SYNE2: variants seen among roughly 807,000 people sequenced by gnomAD.
The protein encoded by SYNE2 is nesprin-2.
A neutral mutation model predicts 856.3 loss-of-function variants in SYNE2; 431 were observed. The observed-to-expected ratio is 0.50, with a 90% CI of 0.47 to 0.55. SYNE2 has a LOEUF of 0.55. Ranked by LOEUF, SYNE2 falls within the 20% of genes least tolerant of loss-of-function variation. The pLI, the probability that SYNE2 is intolerant of heterozygous loss-of-function variation, is 0.00. For synonymous variants in SYNE2, 2,923 were observed against 2,872.3 expected (o/e 1.02, Z -0.56); for missense variants, 8,129 against 8,023.2 (o/e 1.01, Z -0.50).
Position 64,024,739 on chromosome 14 carries a change from C to A in SYNE2, c.5841-173C>A, listed in dbSNP as rs74056279. Among the ~76,000 whole-genome samples the A allele has an allele frequency of 0.052, 7,867 of 152,184 alleles. 250 individuals carry two copies. Among genetic ancestry groups the A allele is most frequent in the Admixed American group, 0.092 (1,409 of 15,286 alleles). ...GGTTTTCTTTAATACTATAGAACCC[C>A]GCTATCATACAGGCTGTTAATTAGA... On this transcript the variant is annotated intron_variant, in intron 39 of 115. Transcript: ENST00000555002.
intron 1 of SYNE2, among the ~76,000 whole-genome samples, chr14:63,847,246 G>A (rs1595169440): frequency 6.6e-6 from 1 of 151,652 alleles, no homozygotes; most frequent in East Asian, 2.0e-4. Context: ...GCACTTCAAG[G>A]CCAACCTGGG....
intron 1 of SYNE2, among the ~76,000 whole-genome samples, chr14:63,774,530 T>G (rs1040096097): frequency 6.7e-6 from 1 of 150,338 alleles, no homozygotes; most frequent in Non-Finnish European, 1.5e-5. Flanking sequence ...AAGAGAGAAG[T>G]TTTTTTCTTT....
At chr14:64,133,957 C>CT in intron 77 of SYNE2, 112 bp from the exon 78 acceptor site, 1 of 1,316,756 alleles carries the variant, frequency 7.6e-7, no homozygotes, top group South Asian at 1.2e-5. Flanking sequence ...GGAATCTGTG[C>CT]TTTAATTTTG....
intron 64 of SYNE2, among the ~76,000 whole-genome samples, chr14:64,106,132 A>AC (rs72135678): frequency 0.017 from 2,113 of 120,760 alleles, 17 homozygotes; most frequent in South Asian, 0.041. Context: ...GCATTTCCAG[A>AC]CCCCCCCCCC....
Position 64,078,524 on chromosome 14 carries a change from A to G in SYNE2, c.11081A>G (p.Glu3694Gly). 1.2e-6 allele frequency: 2 copies of G among 1,614,182 alleles called. No individual in the cohort carries two copies. The highest frequency in any genetic ancestry group is 1.7e-6 in the Non-Finnish European group (2 of 1,180,006). The change falls in exon 55 of 116, where the codon GAA becomes GGA. Residue 3694 changes from glutamate (E) to glycine (G), a missense_variant. Physicochemically the swap from Glu to Gly is moderately conservative, Grantham distance 98 (BLOSUM62 -2). Transcript: ENST00000555002. ...PSYAMRRKIE[E>G]INNGLHNVEK... Reference sequence around the variant, plus strand: ...TATGCAATGAGGAGAAAAATAGAAGAAATTAACAATGGGCTTCATAATGTT... The same window carrying G: ...TATGCAATGAGGAGAAAAATAGAAGGAATTAACAATGGGCTTCATAATGTT...
chr14:64,184,457 C>G lies in SYNE2; in HGVS notation c.17557-1967C>G, dbSNP rs545957319. Among the ~76,000 whole-genome samples, 4 of 152,138 alleles carry G rather than the reference C, an allele frequency of 2.6e-5. No homozygotes were observed. In the South Asian group the frequency reaches 8.3e-4, roughly 32 times the overall value. On this transcript the variant is annotated intron_variant, in intron 96 of 115. Coordinates refer to ENST00000555002, the MANE Select transcript of SYNE2 (RefSeq NM_182914.3). ...ACCTTATCCAGTGACTGTACACTTT[C>G]CGATTGTCAATATTGTAAGTATTCA...
At chr14:63,942,600 A>G (rs1365896747) in intron 6 of SYNE2, among the ~76,000 whole-genome samples, 1 of 151,888 alleles carries the variant, frequency 6.6e-6, no homozygotes, top group African/African-American at 2.4e-5. Flanking sequence ...GGTTCGAGTG[A>G]TTCTTCTGCC....
intron 90 of SYNE2, 120 bp from the exon 91 acceptor site, chr14:64,167,113 G>A (rs922492299): frequency 7.9e-7 from 1 of 1,258,632 alleles, no homozygotes; most frequent in Non-Finnish European, 1.1e-6. Flanking sequence ...TTTGACTGTG[G>A]GCAAGTCATT....
intron 1 of SYNE2, among the ~76,000 whole-genome samples, chr14:63,857,543 T>C (rs749485331): frequency 2.0e-5 from 3 of 152,206 alleles, no homozygotes; most frequent in Non-Finnish European, 2.9e-5. Flanking sequence ...TTCAAAGAAC[T>C]ACTATACTTT....
At chr14:64,152,343 A>T (rs544336344) in intron 84 of SYNE2, among the ~76,000 whole-genome samples, 1 of 152,242 alleles carries the variant, frequency 6.6e-6, no homozygotes, top group African/African-American at 2.4e-5. Context: ...CTGCTCTGCC[A>T]TGATGGTTCA....
At chr14:64,170,531 T>G in intron 94 of SYNE2, 69 bp downstream of exon 94, 1 of 1,464,080 alleles carries the variant, frequency 6.8e-7, no homozygotes, top group Non-Finnish European at 9.4e-7. Flanking sequence ...TCATTCACCT[T>G]TGGTTTAATG....
intron 113 of SYNE2, among the ~76,000 whole-genome samples, chr14:64,224,049 C>G (rs1447011471): frequency 6.6e-6 from 1 of 151,938 alleles, no homozygotes; most frequent in African/African-American, 2.4e-5. Flanking sequence ...AGAGCCCCTT[C>G]AGGAAAGATT....
rs774804800 is a variant in SYNE2 at position 63,940,610 on chromosome 14, A to G, written c.80-4A>G. The G allele has an allele frequency of 6.2e-7, 1 of 1,614,064 alleles. No individual in the cohort carries two copies. Among genetic ancestry groups the G allele is most frequent in the Non-Finnish European group, 8.5e-7 (1 of 1,179,960 alleles). On this transcript the variant is annotated splice_region_variant and splice_polypyrimidine_tract_variant and intron_variant, in intron 2 of 115. Coordinates refer to ENST00000555002, the MANE Select transcript of SYNE2 (RefSeq NM_182914.3). Reference sequence around the variant, plus strand: ...TATAACTGCTGTTGTTCTTTCTTTGATAGCTGAACAGGAAGACACCCAGAA... The same window carrying G: ...TATAACTGCTGTTGTTCTTTCTTTGGTAGCTGAACAGGAAGACACCCAGAA...
At chr14:63,784,024 CTTAACT>C (rs1434972469) in intron 1 of SYNE2, among the ~76,000 whole-genome samples, 2 of 152,144 alleles carry the variant, frequency 1.3e-5, no homozygotes, top group Non-Finnish European at 2.9e-5. Context: ...CTGGTAACAA[CTTAACT>C]TTAAGTGGTT....
intron 1 of SYNE2, among the ~76,000 whole-genome samples, chr14:63,855,479 A>G (rs1891476038): frequency 6.6e-6 from 1 of 152,250 alleles, no homozygotes; most frequent in East Asian, 1.9e-4. Context: ...TCTACAGCCA[A>G]ACCAGCTTTC....
intron 1 of SYNE2, among the ~76,000 whole-genome samples, chr14:63,860,756 C>T (rs1364653110): frequency 6.6e-6 from 1 of 152,162 alleles, no homozygotes; most frequent in Non-Finnish European, 1.5e-5. Flanking sequence ...TTTTTAAATA[C>T]TTATTGAATC....
intron 53 of SYNE2, among the ~76,000 whole-genome samples, chr14:64,075,023 G>T (rs995477815): frequency 6.6e-6 from 1 of 152,162 alleles, no homozygotes; most frequent in Non-Finnish European, 1.5e-5. Flanking sequence ...GATAAAACGG[G>T]ATGACACTTA....
At chr14:63,952,566 C>T (rs533833687) in intron 7 of SYNE2, among the ~76,000 whole-genome samples, 60 of 152,338 alleles carry the variant, frequency 3.9e-4, no homozygotes, top group Middle Eastern at 6.8e-3. Context: ...TACTTTCTAA[C>T]TGGTGACTTT....
intron 1 of SYNE2, among the ~76,000 whole-genome samples, chr14:63,846,577 T>TC (rs1347296749): frequency 6.7e-6 from 1 of 149,420 alleles, no homozygotes; most frequent in Non-Finnish European, 1.5e-5. Context: ...TATTCAGGTT[T>TC]TTTTTTCTGT....
Sources: allele counts gnomAD v4.1 joint callset (sites outside exome capture counted in the v4.1 genomes callset), GRCh38; gene constraint gnomAD v4.1.1; transcripts MANE v1.5; gene names NCBI Gene and HGNC (gene_info 2026-07-23, HGNC 2026-07-21).